The following MACROD2 variants were observed in gnomAD, a reference collection of about 807,000 sequenced individuals.
MACROD2 encodes the protein mono-ADP ribosylhydrolase 2.
In MACROD2, 36 loss-of-function variants were observed where a neutral mutation model predicts 70.4. The ratio of observed to expected loss-of-function variants is 0.51; its 90% CI spans 0.39 to 0.68. The LOEUF (loss-of-function observed/expected upper bound fraction) is 0.68. Among genes scored for constraint, MACROD2 ranks in the 30% least tolerant of loss-of-function variants. The pLI, the probability that MACROD2 is intolerant of heterozygous loss-of-function variation, is 0.00. For synonymous variants in MACROD2, 172 were observed against 178.8 expected (o/e 0.96, Z 0.30); for missense variants, 496 against 538.4 (o/e 0.92, Z 0.78).
chr20:15,243,278 A>G (rs1390054969), intron 6 of MACROD2, among the ~76,000 whole-genome samples: 2 of 152,182 alleles, frequency 1.3e-5, no homozygotes, highest in African/African-American at 4.8e-5. Context: ...TCCTGCTCCA[A>G]TGCCCAATGT....
intron 8 of MACROD2, among the ~76,000 whole-genome samples, chr20:15,771,387 A>G (rs1388766156): frequency 6.7e-6 from 1 of 149,584 alleles, no homozygotes; most frequent in Non-Finnish European, 1.5e-5. Context: ...TTTGCCATGT[A>G]GTTCAGGCTG....
At chr20:15,466,987 G>A (rs968346019) in intron 7 of MACROD2, among the ~76,000 whole-genome samples, 1 of 152,190 alleles carries the variant, frequency 6.6e-6, no homozygotes, top group Non-Finnish European at 1.5e-5. Context: ...CTGAAGTTGG[G>A]CATTGCAGCA....
At chr20:15,047,839 TCCATTGCCA>T (rs1337456941) in intron 5 of MACROD2, among the ~76,000 whole-genome samples, 1 of 152,180 alleles carries the variant, frequency 6.6e-6, no homozygotes, top group Non-Finnish European at 1.5e-5. Context: ...TGATGAGGTT[TCCATTGCCA>T]CCATGGCTAG....
chr20:15,333,711 A>T (rs537060335), intron 6 of MACROD2, among the ~76,000 whole-genome samples: 3 of 151,602 alleles, frequency 2.0e-5, no homozygotes, highest in South Asian at 4.2e-4. Flanking sequence ...GCGTGTTAGG[A>T]GGTTCAATTA....
At chr20:15,975,068 A>C (rs1466882543) in intron 13 of MACROD2, among the ~76,000 whole-genome samples, 2 of 152,168 alleles carry the variant, frequency 1.3e-5, no homozygotes, top group East Asian at 3.8e-4. Flanking sequence ...GAAAAAACAT[A>C]AACAATCTAA....
intron 4 of MACROD2, among the ~76,000 whole-genome samples, chr20:14,542,692 A>T (rs2085448850): frequency 6.6e-6 from 1 of 152,208 alleles, no homozygotes; most frequent in Non-Finnish European, 1.5e-5. Flanking sequence ...CAATGGATTG[A>T]AGGATGGTTA....
chr20:14,749,455 CTAAG>C (rs2123733333), intron 5 of MACROD2, among the ~76,000 whole-genome samples: 1 of 152,104 alleles, frequency 6.6e-6, no homozygotes, highest in South Asian at 2.1e-4. Flanking sequence ...GGAAGGATCT[CTAAG>C]TGTGTATCAC....
chr20:15,345,539 G>T (rs1026778450), intron 6 of MACROD2, among the ~76,000 whole-genome samples: 1 of 152,146 alleles, frequency 6.6e-6, no homozygotes, highest in Non-Finnish European at 1.5e-5. Context: ...TCATTTCCAG[G>T]CTGTATATCA....
At chr20:14,875,445 C>T (rs2073539735) in intron 5 of MACROD2, among the ~76,000 whole-genome samples, 2 of 152,104 alleles carry the variant, frequency 1.3e-5, no homozygotes, top group Non-Finnish European at 2.9e-5. Context: ...TTTATTTTCT[C>T]AAAGTTCCTC....
intron 5 of MACROD2, among the ~76,000 whole-genome samples, chr20:15,217,214 T>G (rs1448687021): frequency 1.3e-5 from 2 of 152,158 alleles, no homozygotes; most frequent in Admixed American, 6.5e-5. Flanking sequence ...AAATATTGAC[T>G]AAATAGAGAA....
At chr20:14,196,586 A>G (rs1246346501) in intron 3 of MACROD2, among the ~76,000 whole-genome samples, 1 of 152,246 alleles carries the variant, frequency 6.6e-6, no homozygotes, top group Non-Finnish European at 1.5e-5. Context: ...AAGCAATAGA[A>G]ACCCAATTCA....
chr20:14,672,619 G>A (rs1390795812), intron 4 of MACROD2, among the ~76,000 whole-genome samples: 1 of 152,172 alleles, frequency 6.6e-6, no homozygotes, highest in African/African-American at 2.4e-5. Flanking sequence ...TATGAGCTAA[G>A]CACTGTACAT....
chr20:15,108,228 G>A (rs2075926901), intron 5 of MACROD2, among the ~76,000 whole-genome samples: 1 of 152,098 alleles, frequency 6.6e-6, no homozygotes, highest in Non-Finnish European at 1.5e-5. Context: ...TTTAGGTAAA[G>A]ATTGTATGTA....
chr20:14,786,204 T>TATAGAGAGAG (rs1555830148), intron 5 of MACROD2, among the ~76,000 whole-genome samples: 1 of 135,430 alleles, frequency 7.4e-6, no homozygotes, highest in Non-Finnish European at 1.6e-5. Flanking sequence ...CAGAGAAAGA[T>TATAGAGAGAG]AGAGAGAGAG....
At chr20:15,892,255 T>C (rs1260490459) in intron 10 of MACROD2, among the ~76,000 whole-genome samples, 2 of 152,120 alleles carry the variant, frequency 1.3e-5, no homozygotes, top group Non-Finnish European at 2.9e-5. Flanking sequence ...ATGAGCTCAA[T>C]AGGAAGACCA....
chr20:15,503,947 A>G (rs1018255053), intron 8 of MACROD2, among the ~76,000 whole-genome samples: 1 of 152,148 alleles, frequency 6.6e-6, no homozygotes, highest in Non-Finnish European at 1.5e-5. Flanking sequence ...AACATTCACA[A>G]ATTTCATAGT....
chr20:15,178,509 A>G (rs1296233239), intron 5 of MACROD2, among the ~76,000 whole-genome samples: 1 of 152,220 alleles, frequency 6.6e-6, no homozygotes, highest in Non-Finnish European at 1.5e-5. Context: ...ATGCATGCAT[A>G]TAACCCTTGC....
chr20:15,934,558 A>G (rs1367933462), intron 11 of MACROD2, among the ~76,000 whole-genome samples: 1 of 151,796 alleles, frequency 6.6e-6, no homozygotes, highest in African/African-American at 2.4e-5. Flanking sequence ...CACTGTTTTT[A>G]TTGTTTGGGG....
chr20:14,610,436 C>T (rs1429474753), intron 4 of MACROD2, among the ~76,000 whole-genome samples: 5 of 151,974 alleles, frequency 3.3e-5, no homozygotes, highest in Admixed American at 6.6e-5. Context: ...ATAATGTGAG[C>T]GCTTCTAGTA....
Sources: allele counts gnomAD v4.1 joint callset (sites outside exome capture counted in the v4.1 genomes callset), GRCh38; gene constraint gnomAD v4.1.1; transcripts MANE v1.5; gene names NCBI Gene and HGNC (gene_info 2026-07-23, HGNC 2026-07-21).